Variants in LDB2 observed in about 807,000 individuals in gnomAD.
LDB2 encodes the protein LIM domain-binding protein 2.
Under a neutral mutation model 44.3 loss-of-function variants are expected in LDB2, and 12 were observed. That is an observed-to-expected ratio of 0.27 (90% CI 0.17 to 0.44). The LOEUF (loss-of-function observed/expected upper bound fraction) is 0.44, where lower values mean the gene tolerates loss of function less well. Among genes scored for constraint, LDB2 ranks in the 20% least tolerant of loss-of-function variants. The probability of loss-of-function intolerance (pLI) is 1.00; values close to 1 mark genes in which losing one functional copy is unlikely to be tolerated. For missense variants in LDB2, 344 were observed against 473.5 expected, an observed-to-expected ratio of 0.73 and a Z score of 2.54; for synonymous variants, 164 against 174.8, an observed-to-expected ratio of 0.94 and a Z score of 0.49.
At chr4:16,508,771 T>C in intron 6 of LDB2, 85 bp from the exon 7 acceptor site, 1 of 1,357,302 alleles carries the variant, frequency 7.4e-7, no homozygotes, top group South Asian at 1.7e-5. Flanking sequence ...AAGGAAGCTG[T>C]CTTGGTAAAC....
chr4:16,574,152 G>A (rs986216469), intron 5 of LDB2, among the ~76,000 whole-genome samples: 6 of 152,106 alleles, frequency 3.9e-5, no homozygotes, highest in South Asian at 4.1e-4. Context: ...TAACAACAAC[G>A]AAAATCTTCA....
chr4:16,783,642 A>G (rs1773784753), intron 1 of LDB2, among the ~76,000 whole-genome samples: 1 of 152,356 alleles, frequency 6.6e-6, no homozygotes, highest in East Asian at 1.9e-4. Flanking sequence ...GTTTGGTGGC[A>G]GGGATATGAG....
At chr4:16,716,279 G>C (rs1367237635) in intron 2 of LDB2, among the ~76,000 whole-genome samples, 1 of 152,166 alleles carries the variant, frequency 6.6e-6, no homozygotes, top group East Asian at 1.9e-4. Flanking sequence ...GCAAACCCAG[G>C]AGTGGGAGCT....
intron 1 of LDB2, among the ~76,000 whole-genome samples, chr4:16,869,131 T>C (rs554534389): frequency 6.6e-6 from 1 of 152,260 alleles, no homozygotes; most frequent in African/African-American, 2.4e-5. Context: ...GTGGGCATCA[T>C]TATTGTTATT....
intron 1 of LDB2, among the ~76,000 whole-genome samples, chr4:16,807,721 G>A (rs1779048144): frequency 6.6e-6 from 1 of 152,166 alleles, no homozygotes; most frequent in Non-Finnish European, 1.5e-5. Context: ...ATTGTATATG[G>A]AGAAGCTGTG....
chr4:16,668,851 T>G (rs1744005783), intron 2 of LDB2, among the ~76,000 whole-genome samples: 1 of 152,186 alleles, frequency 6.6e-6, no homozygotes, highest in Admixed American at 6.5e-5. Flanking sequence ...TTTGACCTCC[T>G]CTAAGGGTGA....
chr4:16,688,736 T>C (rs1445139549), intron 2 of LDB2, among the ~76,000 whole-genome samples: 1 of 152,206 alleles, frequency 6.6e-6, no homozygotes, highest in Admixed American at 6.5e-5. Flanking sequence ...CCACACCAAA[T>C]ACCAAATCTA....
intron 1 of LDB2, among the ~76,000 whole-genome samples, chr4:16,887,032 C>CA (rs371783496): frequency 0.068 from 3,432 of 50,420 alleles, 468 homozygotes; most frequent in African/African-American, 0.17. Flanking sequence ...AACTCCGTCT[C>CA]AAAAAAAAAA....
intron 1 of LDB2, among the ~76,000 whole-genome samples, chr4:16,890,186 A>G (rs1561551715): frequency 6.6e-6 from 1 of 152,244 alleles, no homozygotes; most frequent in Non-Finnish European, 1.5e-5. Context: ...GGTAGCAGAT[A>G]AGAATGGACC....
chr4:16,612,321 A>C (rs1017577358), intron 2 of LDB2, among the ~76,000 whole-genome samples: 2 of 152,184 alleles, frequency 1.3e-5, no homozygotes, highest in African/African-American at 4.8e-5. Flanking sequence ...AGGCAAGAGC[A>C]AACTAATCCA....
chr4:16,571,927 C>T (rs6852598), intron 5 of LDB2, among the ~76,000 whole-genome samples: 147,715 of 152,314 alleles, frequency 0.97, 71,711 homozygotes, highest in East Asian at 1. Flanking sequence ...TGTTTATTAC[C>T]ACCTATAGTG....
chr4:16,867,613 T>C (rs1289007442), intron 1 of LDB2, among the ~76,000 whole-genome samples: 1 of 152,202 alleles, frequency 6.6e-6, no homozygotes, highest in Non-Finnish European at 1.5e-5. Flanking sequence ...GAGATATAGC[T>C]ACTTAAAGAA....
chr4:16,632,714 T>G (rs1732343483), intron 2 of LDB2, among the ~76,000 whole-genome samples: 1 of 152,194 alleles, frequency 6.6e-6, no homozygotes, highest in Admixed American at 6.5e-5. Flanking sequence ...CTTAAGCTGA[T>G]AAGCAACTTC....
In LDB2 at chr4:16,693,416, C is replaced by T. The variant is rs148635109; in HGVS notation, c.235+65742G>A. 1.4e-4 allele frequency among the ~76,000 whole-genome samples: 20 copies of T among 144,248 alleles called. No homozygotes were observed. The East Asian group carries it at 2.7e-3, about 19-fold the overall frequency. 94.6% of individuals were successfully genotyped at this position (144,248 alleles called of 152,430 possible). The stretch of plus-strand genomic sequence containing the variant: ...GCCCAGGCTGGAATGCAGTGACTGA[C>T]GCCATCGCGGCTCACCGCAACCTCC... On this transcript the variant is annotated intron_variant, in intron 2 of 7. Transcript: ENST00000304523.
intron 2 of LDB2, among the ~76,000 whole-genome samples, chr4:16,754,213 C>T (rs944030764): frequency 3.3e-5 from 5 of 152,148 alleles, no homozygotes; most frequent in African/African-American, 9.7e-5. Context: ...TTACTAGAAG[C>T]GAGAGTGGGT....
chr4:16,508,429 C>T, intron 7 of LDB2, 106 bp downstream of exon 7: 1 of 1,097,588 alleles, frequency 9.1e-7, no homozygotes, highest in South Asian at 2.1e-5. Flanking sequence ...CTCCAACCTG[C>T]CCAGGATTTT....
intron 2 of LDB2, among the ~76,000 whole-genome samples, chr4:16,600,037 T>C (rs1389881146): frequency 6.6e-6 from 1 of 152,196 alleles, no homozygotes; most frequent in African/African-American, 2.4e-5. Flanking sequence ...CTGAATTCAG[T>C]GTATGATTTT....
chr4:16,551,139 G>A (rs1034786658), intron 5 of LDB2, among the ~76,000 whole-genome samples: 1 of 152,180 alleles, frequency 6.6e-6, no homozygotes, highest in Non-Finnish European at 1.5e-5. Context: ...ATAAGATTCT[G>A]AATGGTGGTT....
chr4:16,623,510 T>C (rs895084659), intron 2 of LDB2, among the ~76,000 whole-genome samples: 1 of 152,090 alleles, frequency 6.6e-6, no homozygotes, highest in Non-Finnish European at 1.5e-5. Flanking sequence ...GGCAGGAGAA[T>C]TGCTTGAGCC....
Sources: allele counts gnomAD v4.1 joint callset (sites outside exome capture counted in the v4.1 genomes callset), GRCh38; gene constraint gnomAD v4.1.1; transcripts MANE v1.5; gene names NCBI Gene and HGNC (gene_info 2026-07-23, HGNC 2026-07-21).